Variants in PTPRN2 observed in about 807,000 individuals in gnomAD.
PTPRN2 encodes protein tyrosine phosphatase receptor type N2, also known as receptor-type tyrosine-protein phosphatase N2.
A neutral mutation model predicts 118.8 loss-of-function variants in PTPRN2; 74 were observed. The observed-to-expected ratio is 0.62, with a 90% CI of 0.52 to 0.76. PTPRN2 has a LOEUF of 0.76. Ranked by LOEUF, PTPRN2 falls within the 30% of genes least tolerant of loss-of-function variation. The pLI is 0.00. For missense variants in PTPRN2, 1,481 were observed against 1,394.4 expected (o/e 1.06, Z -0.99); for synonymous variants, 641 against 608.0 (o/e 1.05, Z -0.80).
intron 12 of PTPRN2, among the ~76,000 whole-genome samples, chr7:157,835,273 A>C (rs950298205): frequency 1.4e-4 from 22 of 152,178 alleles, no homozygotes; most frequent in African/African-American, 5.1e-4. Flanking sequence ...GAAACACACA[A>C]CACAACGGGA....
rs1259339988 is a variant in PTPRN2 at position 158,071,076 on chromosome 7, T to C, written c.1723+10222A>G. Reference sequence around the variant, plus strand: ...ATGGTGGTGGAGGTGCTCGTGGTGGTGGAGGTGCCCGTGGTGGTGGAGGTG... The same window carrying C: ...ATGGTGGTGGAGGTGCTCGTGGTGGCGGAGGTGCCCGTGGTGGTGGAGGTG... On this transcript the variant is annotated intron_variant, in intron 11 of 22. Transcript: ENST00000389418. Among the ~76,000 whole-genome samples the C allele has an allele frequency of 4.6e-4, 40 of 86,368 alleles. 1 individual carries two copies. The highest frequency in any genetic ancestry group is 6.6e-4 in the Admixed American group (6 of 9,080). The allele number at this position is 86,368 out of a possible 152,430, so 56.7% of individuals were successfully genotyped here.
chr7:157,751,010 G>A (rs1362069481), intron 12 of PTPRN2, among the ~76,000 whole-genome samples: 2 of 152,218 alleles, frequency 1.3e-5, no homozygotes, highest in East Asian at 3.9e-4. Context: ...TCGACCGTGG[G>A]CTCTAAAGAG....
In PTPRN2 at chr7:157,785,780, G is replaced by A. The variant is rs1481638606; in HGVS notation, c.1789-102843C>T. 6.6e-6 allele frequency among the ~76,000 whole-genome samples: 1 copy of A among 152,164 alleles called. No individual in the cohort carries two copies. Among genetic ancestry groups the A allele is most frequent in the Non-Finnish European group, 1.5e-5 (1 of 68,016 alleles). The stretch of plus-strand genomic sequence containing the variant: ...TTTCCAGGTACACAGTCTAGCAGCT[G>A]CCACGCCCGGCTGGGAGCTGAGACG... On this transcript the variant is annotated intron_variant, in intron 12 of 22. Transcript: ENST00000389418. The surrounding 1 kb of genome is among the most constrained non-coding windows in gnomAD (Gnocchi z 7.3).
At chr7:158,582,796 C>CAAAAAAAAA (rs1156687117) in intron 1 of PTPRN2, among the ~76,000 whole-genome samples, 1 of 44,316 alleles carries the variant, frequency 2.3e-5, no homozygotes, top group African/African-American at 7.7e-5. Flanking sequence ...GACTCCATCT[C>CAAAAAAAAA]AAAAAAAAAA....
Position 158,358,624 on chromosome 7 carries a change from T to C in PTPRN2, c.164-41692A>G, listed in dbSNP as rs185239246. Among the ~76,000 whole-genome samples, 731 of 152,248 alleles carry C rather than the reference T, an allele frequency of 4.8e-3. 19 individuals are homozygous for C. Among genetic ancestry groups the C allele is most frequent in the Admixed American group, 0.034 (515 of 15,300 alleles). ...TTACACGACAGAATGGGACTCAGCC[T>C]CAGAAAGGAAGGAGACGCTGACACA... On this transcript the variant is annotated intron_variant, in intron 2 of 22. Transcript: ENST00000389418.
chr7:158,205,945 TCAC>T (rs1827108112), intron 3 of PTPRN2, among the ~76,000 whole-genome samples: 1 of 152,188 alleles, frequency 6.6e-6, no homozygotes, highest in African/African-American at 2.4e-5. Context: ...CTGACAAGCC[TCAC>T]CACCATGGGC....
At chr7:157,782,335 G>T (rs1803730636) in intron 12 of PTPRN2, among the ~76,000 whole-genome samples, 1 of 152,262 alleles carries the variant, frequency 6.6e-6, no homozygotes, top group South Asian at 2.1e-4. Flanking sequence ...TGGGGCCCCG[G>T]GTTGGGATGC....
chr7:158,441,007 T>A (rs1481312377), intron 2 of PTPRN2, among the ~76,000 whole-genome samples: 1 of 142,924 alleles, frequency 7.0e-6, no homozygotes, highest in African/African-American at 2.8e-5. Context: ...GTGATGGGGG[T>A]GGTGGTAGTC....
chr7:157,781,676 G>C (rs1803690000), intron 12 of PTPRN2, among the ~76,000 whole-genome samples: 1 of 152,222 alleles, frequency 6.6e-6, no homozygotes, highest in East Asian at 1.9e-4. Context: ...AGCTGACCCA[G>C]CTTCCTCCCA....
At chr7:158,274,483 A>AGGAGACGCAGGCACAGGG (rs1798822957) in intron 3 of PTPRN2, among the ~76,000 whole-genome samples, 1 of 114,474 alleles carries the variant, frequency 8.7e-6, no homozygotes, top group Non-Finnish European at 2.0e-5. Flanking sequence ...GAGACACACG[A>AGGAGACGCAGGCACAGGG]GGAGCCGCAG....
intron 3 of PTPRN2, among the ~76,000 whole-genome samples, chr7:158,237,871 C>T (rs183683034): frequency 1.3e-5 from 2 of 152,282 alleles, no homozygotes; most frequent in East Asian, 1.9e-4. Flanking sequence ...CATGGGAGTG[C>T]ACGAAGGACA....
At chr7:158,519,604 C>T (rs984035062) in intron 1 of PTPRN2, among the ~76,000 whole-genome samples, 1 of 152,122 alleles carries the variant, frequency 6.6e-6, no homozygotes, top group Non-Finnish European at 1.5e-5. Context: ...CTGCACTCTC[C>T]ATGTTGATCT....
At chr7:158,176,670 G>A (rs1300752925) in intron 5 of PTPRN2, among the ~76,000 whole-genome samples, 1 of 152,182 alleles carries the variant, frequency 6.6e-6, no homozygotes, top group Non-Finnish European at 1.5e-5. Context: ...GGATGACGGT[G>A]GCCAGCATGC....
intron 6 of PTPRN2, among the ~76,000 whole-genome samples, chr7:158,155,316 T>G (rs914904757): frequency 6.6e-6 from 1 of 152,166 alleles, no homozygotes; most frequent in Non-Finnish European, 1.5e-5. Context: ...CAACATTGTT[T>G]TCACAAAGAC....
intron 5 of PTPRN2, among the ~76,000 whole-genome samples, chr7:158,175,886 C>T (rs1200186681): frequency 2.0e-5 from 3 of 152,170 alleles, no homozygotes; most frequent in Non-Finnish European, 4.4e-5. Context: ...TCTGAAGACT[C>T]GTGACACCAT....
At chr7:158,409,395 T>C (rs1563257737) in intron 2 of PTPRN2, among the ~76,000 whole-genome samples, 1 of 152,050 alleles carries the variant, frequency 6.6e-6, no homozygotes, top group East Asian at 1.9e-4. Context: ...GGCATAAGCG[T>C]GGACCTACCC....
At chr7:158,586,309 G>A (rs992240376) in intron 1 of PTPRN2, among the ~76,000 whole-genome samples, 2 of 152,208 alleles carry the variant, frequency 1.3e-5, no homozygotes, top group Non-Finnish European at 2.9e-5. Flanking sequence ...CAAGACTCCT[G>A]GTTCTCTGCA....
chr7:157,931,856 G>T (rs1799378929), intron 11 of PTPRN2, among the ~76,000 whole-genome samples: 1 of 152,114 alleles, frequency 6.6e-6, no homozygotes, highest in Admixed American at 6.6e-5. Context: ...ACAAAATTGG[G>T]ATTCTACCAC....
rs556807530 is a variant in PTPRN2, at chr7:157,823,087, TGCATGCA to T, written c.1788+75579_1788+75585del. On this transcript the variant is annotated intron_variant, in intron 12 of 22. Transcript: ENST00000389418. ...TCACCCACTATCCATCATCCATCCA[TGCATGCA>T]TCCATCTATCCTTCCTTCCATCCAT... 3.2e-3 allele frequency among the ~76,000 whole-genome samples: 485 copies of T among 152,170 alleles called. 3 individuals carry two copies. The highest frequency in any genetic ancestry group is 0.011 in the African/African-American group (456 of 41,518).
Sources: gnomAD v4.1 joint callset for allele counts (sites outside exome capture counted in the v4.1 genomes callset) on GRCh38, gnomAD v4.1.1 for gene constraint, Gnocchi (gnomAD v3.1) non-coding constraint, MANE v1.5 for transcripts, NCBI Gene and HGNC (gene_info 2026-07-23, HGNC 2026-07-21) for gene names.